RPRD1B: variants seen among roughly 807,000 people sequenced by gnomAD.
RPRD1B encodes the protein regulation of nuclear pre-mRNA domain-containing protein 1B.
A neutral mutation model predicts 41.5 loss-of-function variants in RPRD1B; 11 were observed. That is an observed-to-expected ratio of 0.27 (90% confidence interval 0.17 to 0.44). RPRD1B has a LOEUF of 0.44. RPRD1B is among the 20% of genes least tolerant of loss of function. The pLI is 1.00. For synonymous variants in RPRD1B, 158 were observed against 155.6 expected (o/e 1.02, Z -0.12); for missense variants, 248 against 389.9 (o/e 0.64, Z 3.06).
At chr20:38,076,671 C>A (rs374009648) in intron 6 of RPRD1B, among the ~76,000 whole-genome samples, 1 of 151,920 alleles carries the variant, frequency 6.6e-6, no homozygotes, top group African/African-American at 2.4e-5. Context: ...ACCCCTGCCC[C>A]CAGTGGTCTA....
Position 38,033,942 on chromosome 20 carries a change from G to A in RPRD1B, c.-6G>A, listed in dbSNP as rs199941829. On this transcript the variant is annotated 5_prime_UTR_variant, in exon 1 of 7. Coordinates refer to ENST00000373433, the MANE Select transcript of RPRD1B (RefSeq NM_021215.4). ...CCGCTCCCTGCCGGGCCTCACTGCC[G>A]CCACCATGTCCTCCTTCTCTGAGTC... 5.4e-5 allele frequency: 86 copies of A among 1,605,386 alleles called. 1 individual carries two copies. The East Asian group carries it at 1.9e-3, about 36-fold the overall frequency.
intron 6 of RPRD1B, chr20:38,070,136 C>G (rs1224895773): frequency 2.2e-6 from 2 of 924,328 alleles, no homozygotes; most frequent in Admixed American, 1.2e-4. Context: ...CTCCTTTGTA[C>G]TACTTTTCTT....
intron 2 of RPRD1B, among the ~76,000 whole-genome samples, chr20:38,041,648 T>C (rs2074067195): frequency 6.6e-6 from 1 of 152,230 alleles, no homozygotes; most frequent in African/African-American, 2.4e-5. Flanking sequence ...ATTTTCTTGC[T>C]TTGATGAGAT....
intron 1 of RPRD1B, among the ~76,000 whole-genome samples, chr20:38,039,606 G>A (rs562905733): frequency 8.6e-5 from 13 of 151,570 alleles, no homozygotes; most frequent in Non-Finnish European, 1.8e-4. Context: ...GTTTCTCCAC[G>A]TTGGTCAGGC....
intron 3 of RPRD1B, among the ~76,000 whole-genome samples, chr20:38,052,707 C>T (rs776590877): frequency 2.1e-5 from 3 of 144,558 alleles, no homozygotes; most frequent in Admixed American, 7.0e-5. Context: ...TAACTGATTG[C>T]GATCAATTAG....
At chr20:38,040,393 TTC>T in intron 1 of RPRD1B, 40 bp from the exon 2 acceptor site, 1 of 1,520,618 alleles carries the variant, frequency 6.6e-7, no homozygotes, top group Non-Finnish European at 8.8e-7. Context: ...AATTGAGAAT[TTC>T]TTTGGTGTAA....
rs1468133193 is a variant in RPRD1B, at chr20:38,091,531, A to G, written c.*1656A>G. 3.8e-5 allele frequency: 37 copies of G among 985,258 alleles called. No homozygotes were observed. Among genetic ancestry groups the G allele is most frequent in the Non-Finnish European group, 4.5e-5 (37 of 829,922 alleles). The allele number at this position is 985,258 out of a possible 1,614,324, so 61.0% of individuals were successfully genotyped here. A position where few individuals can be genotyped will look rare whatever the true frequency, so the allele number is the denominator to read the frequency against. On this transcript the variant is annotated 3_prime_UTR_variant, in exon 7 of 7. Coordinates refer to ENST00000373433, the MANE Select transcript of RPRD1B (RefSeq NM_021215.4). ...CTGCCTGTCGTTCTGTCACTGTTAA[A>G]TTAATGAGTCTATAAGGTTTTTCTT...
intron 1 of RPRD1B, among the ~76,000 whole-genome samples, chr20:38,040,030 G>C (rs140128715): frequency 6.6e-6 from 1 of 152,056 alleles, no homozygotes; most frequent in Non-Finnish European, 1.5e-5. Flanking sequence ...CACTGCGTCC[G>C]GCCAACTCAG....
chr20:38,079,505 A>G (rs577258338), intron 6 of RPRD1B, among the ~76,000 whole-genome samples: 2 of 152,206 alleles, frequency 1.3e-5, no homozygotes, highest in Non-Finnish European at 2.9e-5. Context: ...ATAAGTGAGA[A>G]CATGCGGTAT....
chr20:38,044,062 C>G (rs1328705029), intron 2 of RPRD1B, among the ~76,000 whole-genome samples: 1 of 152,120 alleles, frequency 6.6e-6, no homozygotes, highest in Non-Finnish European at 1.5e-5. Context: ...ACTCACAGGG[C>G]TCATCATGTA....
At chr20:38,055,885 G>A (rs1221834385) in intron 3 of RPRD1B, among the ~76,000 whole-genome samples, 5 of 152,174 alleles carry the variant, frequency 3.3e-5, no homozygotes, top group African/African-American at 1.2e-4. Flanking sequence ...GGGGGCTGAA[G>A]TTAGCAGCAA....
chr20:38,056,588 G>T (rs1216054470), intron 3 of RPRD1B, among the ~76,000 whole-genome samples: 1 of 152,056 alleles, frequency 6.6e-6, no homozygotes, highest in Non-Finnish European at 1.5e-5. Flanking sequence ...TAAATGAGAG[G>T]GTACCTGTGT....
intron 3 of RPRD1B, among the ~76,000 whole-genome samples, chr20:38,052,737 C>G (rs116526085): frequency 7.5e-4 from 109 of 145,310 alleles, no homozygotes; most frequent in Middle Eastern, 3.8e-3. Flanking sequence ...CTGCTGCACT[C>G]GGACCAAACG....
At chr20:38,036,327 T>C (rs1350277406) in intron 1 of RPRD1B, among the ~76,000 whole-genome samples, 1 of 152,220 alleles carries the variant, frequency 6.6e-6, no homozygotes, top group Non-Finnish European at 1.5e-5. Flanking sequence ...CAAAATGTGT[T>C]CTTTTTCATG....
intron 1 of RPRD1B, among the ~76,000 whole-genome samples, chr20:38,040,157 T>C (rs2074050839): frequency 6.6e-6 from 1 of 152,214 alleles, no homozygotes; most frequent in Non-Finnish European, 1.5e-5. Context: ...CCTTTAGGAA[T>C]TCTCTTTGGA....
chr20:38,057,427 G>A, intron 3 of RPRD1B, 105 bp from the exon 4 acceptor site: 2 of 723,734 alleles, frequency 2.8e-6, no homozygotes, highest in Non-Finnish European at 2.5e-6. Flanking sequence ...TTCTGAAAAT[G>A]TGTGCCCCTT....
Position 38,072,827 on chromosome 20 carries a change from A to ATGAG in RPRD1B, c.831+6573_831+6576dup. On this transcript the variant is annotated intron_variant, in intron 6 of 6. Transcript: ENST00000373433. ...ATGTTAACCCCCACCTCTAGAAGAT[A>ATGAG]TGAGTATTTTGTGTATGGACTCAAT... Among the ~76,000 whole-genome samples the ATGAG allele has an allele frequency of 1.3e-5, 2 of 152,314 alleles. 1 individual carries two copies. Among genetic ancestry groups the ATGAG allele is most frequent in the South Asian group, 4.1e-4 (2 of 4,826 alleles).
At chr20:38,070,805 A>G (rs913432777) in intron 6 of RPRD1B, 24 of 875,670 alleles carry the variant, frequency 2.7e-5, no homozygotes, top group South Asian at 1.6e-4. Context: ...CAGTAGAGCA[A>G]TCTGAGCTCA....
intron 3 of RPRD1B, among the ~76,000 whole-genome samples, chr20:38,055,296 CCTT>C (rs1195365532): frequency 7.2e-5 from 11 of 152,274 alleles, no homozygotes; most frequent in Middle Eastern, 3.4e-3. Flanking sequence ...ACAAGGGTTG[CCTT>C]CTTCTGGTAT....
Sources: allele counts gnomAD v4.1 joint callset (sites outside exome capture counted in the v4.1 genomes callset), GRCh38; gene constraint gnomAD v4.1.1; transcripts MANE v1.5; gene names NCBI Gene and HGNC (gene_info 2026-07-23, HGNC 2026-07-21).